The following ARHGAP21 variants were observed in gnomAD, a reference collection of about 807,000 sequenced individuals.
ARHGAP21 encodes the protein rho GTPase-activating protein 21.
ARHGAP21 carries 38 observed loss-of-function variants against 164.6 expected under a neutral mutation model. The ratio of observed to expected loss-of-function variants is 0.23; its 90% CI spans 0.18 to 0.30. ARHGAP21 has a LOEUF of 0.30. ARHGAP21 is among the 10% of genes least tolerant of loss of function. The pLI is 1.00. For missense variants in ARHGAP21, 1,822 were observed against 2,370.7 expected, an observed-to-expected ratio of 0.77 and a Z score of 4.81; for synonymous variants, 766 against 857.9, an observed-to-expected ratio of 0.89 and a Z score of 1.87.
intron 2 of ARHGAP21, among the ~76,000 whole-genome samples, chr10:24,695,378 G>A (rs1388187695): frequency 4.0e-5 from 6 of 151,822 alleles, no homozygotes; most frequent in Admixed American, 1.3e-4. Flanking sequence ...AGACCAGCCC[G>A]GCCAACGTGG....
chr10:24,596,789 C>T lies in ARHGAP21; in HGVS notation c.3428G>A (p.Gly1143Glu). 1 of 1,612,864 alleles carries T rather than the reference C, an allele frequency of 6.2e-7. No homozygotes were observed. The highest frequency in any genetic ancestry group is 8.5e-7 in the Non-Finnish European group (1 of 1,179,658). ...KTFEKKPTAT[G>E]TFGVRLDDCP... is the part of the protein sequence containing the mutation. ...GTCATCTAGTCGGACGCCGAAAGTT[C>T]CTGTAGCAGTTGGCTTTTTCTCAAA... The change falls in exon 17 of 26, where the codon GGA (glycine) becomes GAA (glutamate). Residue 1143 changes from glycine to glutamate, a missense_variant. Transcript: ENST00000396432.
intron 16 of ARHGAP21, 100 bp from the exon 17 acceptor site, chr10:24,596,982 G>A: frequency 1.4e-5 from 18 of 1,285,760 alleles, no homozygotes; most frequent in Non-Finnish European, 1.9e-5. Flanking sequence ...ATAAATCCAA[G>A]TCCTGTAATA....
rs1469194799 is a variant in ARHGAP21, at chr10:24,607,565, T to A, written c.2618A>T (p.Asn873Ile). ...VGPPSLDAQPNSKTERSKSYD... is the reference protein window; with the variant it reads ...VGPPSLDAQPISKTERSKSYD... ...TGATTTTGATCTTTCTGTCTTTGAG[T>A]TGGGCTGAGCATCCAGGCTAGGAGG... The change falls in exon 11 of 26, where the codon AAC becomes ATC. Residue 873 changes from asparagine to isoleucine, a missense_variant. Transcript: ENST00000396432. 1.2e-6 allele frequency: 2 copies of A among 1,614,122 alleles called. No homozygotes were observed. The highest frequency in any genetic ancestry group is 2.2e-5 in the East Asian group (1 of 44,876).
intron 2 of ARHGAP21, among the ~76,000 whole-genome samples, chr10:24,671,202 C>G (rs1318530313): frequency 6.6e-6 from 1 of 152,134 alleles, no homozygotes; most frequent in African/African-American, 2.4e-5. Flanking sequence ...AAACCTAACC[C>G]TGGATAAATC....
intron 21 of ARHGAP21, among the ~76,000 whole-genome samples, chr10:24,593,645 GAC>G (rs1301597575): frequency 1.5e-5 from 2 of 133,862 alleles, no homozygotes; most frequent in African/African-American, 2.7e-5. Flanking sequence ...TGTAATTAAA[GAC>G]ACAAAAAATT....
chr10:24,693,786 G>A (rs921801407), intron 2 of ARHGAP21, among the ~76,000 whole-genome samples: 2 of 152,042 alleles, frequency 1.3e-5, no homozygotes, highest in Non-Finnish European at 2.9e-5. Context: ...TCATCTTAGG[G>A]GTTTTACTAC....
At chr10:24,714,898 CG>C (rs1352839142) in intron 2 of ARHGAP21, among the ~76,000 whole-genome samples, 1 of 151,758 alleles carries the variant, frequency 6.6e-6, no homozygotes, top group Non-Finnish European at 1.5e-5. Context: ...GGCATGGTGG[CG>C]GGCGCCTGTA....
intron 4 of ARHGAP21, among the ~76,000 whole-genome samples, chr10:24,645,668 T>A (rs976282549): frequency 6.6e-6 from 1 of 151,944 alleles, no homozygotes; most frequent in Non-Finnish European, 1.5e-5. Context: ...TAAAGGTACA[T>A]GAAATTGTTG....
Position 24,700,334 on chromosome 10 carries a change from C to A in ARHGAP21, c.63+21503G>T, listed in dbSNP as rs138336596. ...TGAGTGTGGAAGTGCGCCGCAAGCA[C>A]GTGCAGAGAGAGCACTCACACAGCA... On this transcript the variant is annotated intron_variant, in intron 2 of 25. Transcript: ENST00000396432. 4.3e-3 allele frequency among the ~76,000 whole-genome samples: 653 copies of A among 152,226 alleles called. 6 individuals are homozygous for A. Among genetic ancestry groups the A allele is most frequent in the Non-Finnish European group, 7.4e-3 (504 of 68,016 alleles).
chr10:24,669,929 T>G (rs1303373855), intron 3 of ARHGAP21, among the ~76,000 whole-genome samples: 1 of 152,222 alleles, frequency 6.6e-6, no homozygotes, highest in Non-Finnish European at 1.5e-5. Flanking sequence ...TAATAAACAG[T>G]TACATATTAG....
intron 4 of ARHGAP21, among the ~76,000 whole-genome samples, chr10:24,647,456 G>A (rs1837683094): frequency 6.6e-6 from 1 of 152,208 alleles, no homozygotes; most frequent in Non-Finnish European, 1.5e-5. Flanking sequence ...GGCACTTTGT[G>A]TTAGAGAGGT....
intron 1 of ARHGAP21, 55 bp downstream of exon 1, chr10:24,723,507 G>A (rs1846137089): frequency 6.8e-6 from 1 of 147,350 alleles, no homozygotes; most frequent in African/African-American, 2.4e-5. Context: ...GGCACTCCAC[G>A]GCCCGCGAGC....
chr10:24,664,328 A>T lies in ARHGAP21; in HGVS notation c.268+2657T>A, dbSNP rs145002570. On this transcript the variant is annotated intron_variant, in intron 4 of 25. Coordinates refer to ENST00000396432, the MANE Select transcript of ARHGAP21 (RefSeq NM_020824.4). ...TCCCAGCATTTTGGGAGGCCGAGGC[A>T]GGCGGATCATGAGGTCAAGAGACAG... Among the ~76,000 whole-genome samples the T allele has an allele frequency of 2.0e-5, 3 of 152,140 alleles. No individual in the cohort carries two copies. In the South Asian group the frequency reaches 6.2e-4, roughly 32 times the overall value.
chr10:24,705,569 C>T (rs1399651016), intron 2 of ARHGAP21, among the ~76,000 whole-genome samples: 1 of 152,224 alleles, frequency 6.6e-6, no homozygotes, highest in Non-Finnish European at 1.5e-5. Flanking sequence ...AACGAAGAAG[C>T]TCACATCACA....
chr10:24,714,922 C>T (rs202147708), intron 2 of ARHGAP21, among the ~76,000 whole-genome samples: 4 of 150,758 alleles, frequency 2.7e-5, no homozygotes, highest in Admixed American at 6.6e-5. Context: ...CCCAGCTACT[C>T]GGGAGGCTGA....
chr10:24,663,361 G>A (rs890179307), intron 4 of ARHGAP21, among the ~76,000 whole-genome samples: 6 of 152,074 alleles, frequency 3.9e-5, no homozygotes, highest in Non-Finnish European at 7.3e-5. Context: ...AAAGATCACC[G>A]GATATGCAGC....
At chr10:24,587,269 G>A (rs918159986) in intron 25 of ARHGAP21, among the ~76,000 whole-genome samples, 2 of 152,010 alleles carry the variant, frequency 1.3e-5, no homozygotes, top group Admixed American at 6.6e-5. Context: ...ACAGGCATGA[G>A]CCACTGCATC....
chr10:24,710,737 CT>C (rs1378067254), intron 2 of ARHGAP21, among the ~76,000 whole-genome samples: 1 of 152,122 alleles, frequency 6.6e-6, no homozygotes, highest in Non-Finnish European at 1.5e-5. Context: ...TAACTTCTAT[CT>C]TGGGAACAAA....
At chr10:24,697,775 G>A (rs557903260) in intron 2 of ARHGAP21, among the ~76,000 whole-genome samples, 97 of 152,098 alleles carry the variant, frequency 6.4e-4, no homozygotes, top group South Asian at 2.7e-3. Context: ...CAGGAGAATC[G>A]CTTGAACCTG....
Sources: allele counts gnomAD v4.1 joint callset (sites outside exome capture counted in the v4.1 genomes callset), GRCh38; gene constraint gnomAD v4.1.1; transcripts MANE v1.5; gene names NCBI Gene and HGNC (gene_info 2026-07-23, HGNC 2026-07-21).